CNTNAP4: variants seen among roughly 807,000 people sequenced by gnomAD.
The protein encoded by CNTNAP4 is contactin associated protein family member 4.
CNTNAP4 carries 98 observed loss-of-function variants against 148.4 expected under a neutral mutation model. The observed-to-expected ratio is 0.66, with a 90% CI of 0.56 to 0.78. The LOEUF (loss-of-function observed/expected upper bound fraction) is 0.78, where lower values mean the gene tolerates loss of function less well. Among genes scored for constraint, CNTNAP4 ranks in the 30% least tolerant of loss-of-function variants. CNTNAP4 has a pLI of 0.00. For synonymous variants in CNTNAP4, 730 were observed against 565.1 expected, an observed-to-expected ratio of 1.29 and a Z score of -4.14; for missense variants, 1,935 against 1,565.6, an observed-to-expected ratio of 1.24 and a Z score of -3.98.
In CNTNAP4 at chr16:76,531,197, G is replaced by A. The variant is rs538834865; in HGVS notation, c.2756-4348G>A. On this transcript the variant is annotated intron_variant, in intron 17 of 23. Coordinates refer to ENST00000611870, the MANE Select transcript of CNTNAP4 (RefSeq NM_033401.5). ...CCAATTAATTCTCAATAATATTCAA[G>A]CACAGCACATGAATAATTTGCCATT... 7.9e-5 allele frequency among the ~76,000 whole-genome samples: 12 copies of A among 152,236 alleles called. No homozygotes were observed. The East Asian group carries it at 2.3e-3, about 29-fold the overall frequency.
chr16:76,395,103 C>T (rs1416914792), intron 3 of CNTNAP4, among the ~76,000 whole-genome samples: 1 of 152,126 alleles, frequency 6.6e-6, no homozygotes, highest in African/African-American at 2.4e-5. Context: ...CTCCCAATGA[C>T]CATCATGACA....
intron 3 of CNTNAP4, among the ~76,000 whole-genome samples, chr16:76,398,768 T>C (rs1257687181): frequency 6.6e-6 from 1 of 152,162 alleles, no homozygotes; most frequent in Non-Finnish European, 1.5e-5. Context: ...CAAAGCGATA[T>C]ATTTTTTATC....
At chr16:76,301,723 A>G (rs1488172007) in intron 1 of CNTNAP4, among the ~76,000 whole-genome samples, 1 of 152,170 alleles carries the variant, frequency 6.6e-6, no homozygotes, top group Non-Finnish European at 1.5e-5. Flanking sequence ...AAGGTCTCCA[A>G]GTGAGGAGGT....
intron 2 of CNTNAP4, among the ~76,000 whole-genome samples, chr16:76,332,677 C>T (rs549040277): frequency 6.6e-6 from 1 of 152,142 alleles, no homozygotes; most frequent in Admixed American, 6.5e-5. Context: ...CATTGATAAA[C>T]TTGATGGTTT....
In CNTNAP4 at chr16:76,427,598, C is replaced by G. The variant is rs1300812490; in HGVS notation, c.537C>G (p.Tyr179Ter). Residue 179 changes from tyrosine (Y) to a stop codon, truncating the protein, a stop_gained and splice_region_variant, in exon 4 of 24, where the codon TAC becomes TAG. Transcript: ENST00000611870. LOFTEE classifies it high-confidence loss of function. ...GAATCGAAGTGTTCGGATGTGCATA[C>G]AGTAAGTGTTTGTTTATCCAATACA... ...GMRIEVFGCA[Y>*]RSEVVDLDGK... 1.2e-6 allele frequency: 2 copies of G among 1,603,398 alleles called. No homozygotes were observed. The highest frequency in any genetic ancestry group is 1.7e-6 in the Non-Finnish European group (2 of 1,175,636).
chr16:76,544,926 CT>C (rs1404502621), intron 21 of CNTNAP4, among the ~76,000 whole-genome samples: 1 of 152,162 alleles, frequency 6.6e-6, no homozygotes, highest in Non-Finnish European at 1.5e-5. Flanking sequence ...TCAGTCTCCT[CT>C]GATGAGCTAT....
At chr16:76,440,509 A>C (rs979844482) in intron 4 of CNTNAP4, among the ~76,000 whole-genome samples, 1 of 152,174 alleles carries the variant, frequency 6.6e-6, no homozygotes, top group African/African-American at 2.4e-5. Flanking sequence ...AATAAATAAA[A>C]CATTCATTTC....
chr16:76,538,175 C>G lies in CNTNAP4; in HGVS notation c.3055C>G (p.Leu1019Val). 6.3e-7 allele frequency: 1 copy of G among 1,599,784 alleles called. No individual in the cohort carries two copies. Residue 1019 changes from leucine to valine, a missense_variant, in exon 19 of 24, where the codon CTT (leucine) becomes GTT (valine). Coordinates refer to ENST00000611870, the MANE Select transcript of CNTNAP4 (RefSeq NM_033401.5). ...GATATACAATTTTCAAGAAAATTATCTTTTAAGTAAAAACTCCAGCTCCCA... is the reference window on the plus strand; with the variant it reads ...GATATACAATTTTCAAGAAAATTATGTTTTAAGTAAAAACTCCAGCTCCCA... ...SVIYNFQENY[L>V]LSKNSSSHAA...
intron 2 of CNTNAP4, among the ~76,000 whole-genome samples, chr16:76,323,546 G>A (rs1416437451): frequency 2.0e-5 from 3 of 152,082 alleles, no homozygotes; most frequent in Admixed American, 6.5e-5. Flanking sequence ...TGGAGAGTTT[G>A]CTACCACTTC....
chr16:76,557,948 G>T (rs150557176), intron 23 of CNTNAP4: 3 of 152,318 alleles, frequency 2.0e-5, no homozygotes, highest in African/African-American at 7.2e-5. Flanking sequence ...TTTACAACTA[G>T]AAGTGTTAAA....
intron 10 of CNTNAP4, chr16:76,469,585 G>A (rs989845177): frequency 5.3e-5 from 8 of 152,126 alleles, no homozygotes; most frequent in South Asian, 2.1e-4. Context: ...TCTACCCTTC[G>A]TCCTGTGTGG....
chr16:76,350,098 C>A (rs1055931108), intron 2 of CNTNAP4, among the ~76,000 whole-genome samples: 1 of 151,824 alleles, frequency 6.6e-6, no homozygotes, highest in Non-Finnish European at 1.5e-5. Context: ...ATTCAGCCAG[C>A]CAGGTAATTT....
Position 76,355,357 on chromosome 16 carries a change from A to G in CNTNAP4, c.236A>G (p.Gln79Arg), listed in dbSNP as rs1272888828. The change falls in exon 3 of 24, where the codon CAG (glutamine) becomes CGG (arginine). Residue 79 changes from glutamine to arginine, a missense_variant. By Grantham distance (43) the Gln-to-Arg change is conservative. Transcript: ENST00000611870. The part of the protein sequence containing the change: ...GWSPLVSNKY[Q>R]WLQIDLGERM... ...TCTCCACTTGTGTCTAACAAATACCAGTGGTTGCAGATTGACCTTGGAGAG... is the reference window on the plus strand; with the variant it reads ...TCTCCACTTGTGTCTAACAAATACCGGTGGTTGCAGATTGACCTTGGAGAG... 6.2e-7 allele frequency: 1 copy of G among 1,601,234 alleles called. No individual in the cohort carries two copies. The highest frequency in any genetic ancestry group is 8.5e-7 in the Non-Finnish European group (1 of 1,173,568).
At chr16:76,525,880 A>G (rs1048477378) in intron 17 of CNTNAP4, among the ~76,000 whole-genome samples, 6 of 148,720 alleles carry the variant, frequency 4.0e-5, no homozygotes, top group Non-Finnish European at 5.9e-5. Context: ...CTATGTAACT[A>G]TAGTTTTTGT....
chr16:76,295,782 C>A (rs936491150), intron 1 of CNTNAP4, among the ~76,000 whole-genome samples: 2 of 152,114 alleles, frequency 1.3e-5, no homozygotes, highest in Admixed American at 1.3e-4. Flanking sequence ...ATGTACTATG[C>A]TTTTTGTATG....
intron 3 of CNTNAP4, among the ~76,000 whole-genome samples, chr16:76,388,030 ATT>A (rs2016660018): frequency 6.6e-6 from 1 of 152,152 alleles, no homozygotes; most frequent in African/African-American, 2.4e-5. Flanking sequence ...TTGCCAGTCT[ATT>A]TTGCCCCATA....
At position 76,474,307 on chromosome 16, in the gene CNTNAP4, T is replaced by G. The variant is rs1406274692; in HGVS notation, c.1656-1632T>G. On this transcript the variant is annotated intron_variant, in intron 10 of 23. Transcript: ENST00000611870. ...AAGTGGCAAGTGGCTGGGAGAAGAT[T>G]TACATCTGAAGGGGACAAAGAAAGA... Among the ~76,000 whole-genome samples the G allele has an allele frequency of 2.0e-5, 3 of 152,192 alleles. No homozygotes were observed. The South Asian group carries it at 6.2e-4, about 32-fold the overall frequency.
At chr16:76,391,897 T>C (rs1055915943) in intron 3 of CNTNAP4, among the ~76,000 whole-genome samples, 1 of 152,228 alleles carries the variant, frequency 6.6e-6, no homozygotes, top group Non-Finnish European at 1.5e-5. Flanking sequence ...CAAGTTTGAA[T>C]TGCTCTGTTC....
chr16:76,375,412 G>A (rs1411485554), intron 3 of CNTNAP4, among the ~76,000 whole-genome samples: 1 of 152,118 alleles, frequency 6.6e-6, no homozygotes, highest in Non-Finnish European at 1.5e-5. Flanking sequence ...ACAGAGCAAG[G>A]CTGTCTCAGA....
Sources: gnomAD v4.1 joint callset for allele counts (sites outside exome capture counted in the v4.1 genomes callset) on GRCh38, gnomAD v4.1.1 for gene constraint, MANE v1.5 for transcripts, NCBI Gene and HGNC (gene_info 2026-07-23, HGNC 2026-07-21) for gene names.